Variants in EIF2B5 observed in about 807,000 individuals in gnomAD.
EIF2B5 encodes translation initiation factor eIF2B subunit epsilon.
EIF2B5 carries 38 observed loss-of-function variants against 87.3 expected under a neutral mutation model. The ratio of observed to expected loss-of-function variants is 0.44; its 90% confidence interval spans 0.34 to 0.57. EIF2B5 has a LOEUF of 0.57. Ranked by LOEUF, EIF2B5 falls within the 20% of genes least tolerant of loss-of-function variation. EIF2B5 has a pLI of 0.02. For synonymous variants in EIF2B5, 313 were observed against 339.6 expected, an observed-to-expected ratio of 0.92 and a Z score of 0.86; for missense variants, 784 against 909.5, an observed-to-expected ratio of 0.86 and a Z score of 1.78.
Position 184,145,029 on chromosome 3 carries a change from T to G in EIF2B5, c.*86T>G. 1.6e-6 allele frequency: 2 copies of G among 1,239,208 alleles called. No homozygotes were observed. The highest frequency in any genetic ancestry group is 2.4e-6 in the Non-Finnish European group (2 of 849,384). 76.8% of individuals were successfully genotyped at this position (1,239,208 alleles called of 1,614,324 possible). Reference sequence around the variant, plus strand: ...AAGTGAGGAACTAGCTGCAGAGGGATGAGTGACCACCATCCAGGCTGAGAC... The same window carrying G: ...AAGTGAGGAACTAGCTGCAGAGGGAGGAGTGACCACCATCCAGGCTGAGAC... On this transcript the variant is annotated 3_prime_UTR_variant, in exon 16 of 16. Transcript: ENST00000648915. The surrounding 1 kb of genome is among the most constrained non-coding windows in gnomAD (Gnocchi z 4.0).
Position 184,144,157 on chromosome 3 carries a change from T to A in EIF2B5, c.1928T>A (p.Leu643Ter). ...RNYIKRAADH[L>*]EALAAIEDFF... ...TACATAAAGCGCGCAGCCGACCATT[T>A]GGAAGCGTTAGCAGCCATTGAGGAC... Residue 643 changes from leucine to a stop codon, truncating the protein, a stop_gained, in exon 14 of 16, where the codon TTG becomes TAG. Transcript: ENST00000648915. LOFTEE classifies it high-confidence loss of function. 1 of 1,614,246 alleles carries A rather than the reference T, an allele frequency of 6.2e-7. No homozygotes were observed.
In EIF2B5 at chr3:184,138,230, G is replaced by C; in HGVS notation, c.749G>C (p.Ser250Thr). 6.2e-7 allele frequency: 1 copy of C among 1,613,978 alleles called. No individual in the cohort carries two copies. Among genetic ancestry groups the C allele is most frequent in the South Asian group, 1.1e-5 (1 of 91,072 alleles). Residue 250 changes from serine to threonine, a missense_variant, in exon 5 of 16, where the codon AGC becomes ACC. Ser to Thr is a moderately conservative substitution (Grantham distance 58). Coordinates refer to ENST00000648915, the MANE Select transcript of EIF2B5 (RefSeq NM_003907.3). ...TATGATTTACTGGATTGTCATATCA[G>C]CATCTGTTCTCCTCAGGTGAGCTCT... ...VRYDLLDCHISICSPQVAQLF... is the reference protein window; with the variant it reads ...VRYDLLDCHITICSPQVAQLF...
Position 184,135,490 on chromosome 3 carries a change from G to T in EIF2B5, c.105G>T (p.Ala35=). ...GCGGTGGCGGGGGAGCCAGAGGGGCGGAGGAGGAACCGCCGCCGCCCCTAC... is the reference window on the plus strand; with the variant it reads ...GCGGTGGCGGGGGAGCCAGAGGGGCTGAGGAGGAACCGCCGCCGCCCCTAC... The part of the protein sequence containing the change: ...GGSGGGGARG[A]EEEPPPPLQA... The change falls in exon 1 of 16, where the codon GCG becomes GCT. Residue 35 remains alanine (A), a synonymous_variant. Transcript: ENST00000648915. 1.3e-6 allele frequency: 2 copies of T among 1,580,772 alleles called. No homozygotes were observed. The highest frequency in any genetic ancestry group is 1.7e-6 in the Non-Finnish European group (2 of 1,164,410).
intron 5 of EIF2B5, chr3:184,138,938 A>G: frequency 7.4e-6 from 2 of 268,810 alleles, no homozygotes; most frequent in South Asian, 2.9e-5. Flanking sequence ...CTGGGATTAC[A>G]GGCATGAGCC....
chr3:184,141,808 G>T, intron 7 of EIF2B5, 117 bp from the exon 8 acceptor site: 1 of 1,335,768 alleles, frequency 7.5e-7, no homozygotes. Flanking sequence ...CTTGCGGGAT[G>T]GGGAATGAGA....
In EIF2B5 at chr3:184,143,455, A is replaced by G. The variant is rs843358; in HGVS notation, c.1759A>G (p.Ile587Val). ...GTCTCCCCACAGGTATGCCTATAAC[A>G]TAAGTCTAAAGGAGGTGATGCAGGT... ...EINSLKYAYNISLKEVMQVLS... is the reference protein window; with the variant it reads ...EINSLKYAYNVSLKEVMQVLS... Residue 587 changes from isoleucine (I) to valine (V), a missense_variant, in exon 13 of 16, where the codon ATA becomes GTA. Ile to Val is a conservative substitution (Grantham distance 29). Transcript: ENST00000648915. 546,249 of 1,613,776 alleles carry G rather than the reference A, an allele frequency of 0.34. 94,784 individuals carry two copies. Among genetic ancestry groups the G allele is most frequent in the East Asian group, 0.54 (24,351 of 44,854 alleles).
chr3:184,137,616 T>TAA lies in EIF2B5; in HGVS notation c.321-4_321-3insAA. 6.2e-7 allele frequency: 1 copy of TAA among 1,613,684 alleles called. No homozygotes were observed. The highest frequency in any genetic ancestry group is 8.5e-7 in the Non-Finnish European group (1 of 1,179,618). On this transcript the variant is annotated splice_region_variant and splice_polypyrimidine_tract_variant and intron_variant, in intron 2 of 15. Coordinates refer to ENST00000648915, the MANE Select transcript of EIF2B5 (RefSeq NM_003907.3). Reference sequence around the variant, plus strand: ...CTCATTCCCCTCACCCTCCCTTCCTTTAGGAAGTCAAAGTGGTGCCGCCCT... The same window carrying TAA: ...CTCATTCCCCTCACCCTCCCTTCCTTAATAGGAAGTCAAAGTGGTGCCGCCCT...
chr3:184,143,519 T>C lies in EIF2B5; in HGVS notation c.1823T>C (p.Met608Thr). 1.2e-6 allele frequency: 2 copies of C among 1,614,160 alleles called. No individual in the cohort carries two copies. Residue 608 changes from methionine (M) to threonine (T), a missense_variant, in exon 13 of 16, where the codon ATG becomes ACG. Met to Thr is a moderately conservative substitution (Grantham distance 81). This residue lies in a region of EIF2B5 where 660 missense variants were observed against 789.5 expected (regional missense o/e 0.84). Coordinates refer to ENST00000648915, the MANE Select transcript of EIF2B5 (RefSeq NM_003907.3). ...HVVLEFPLQQMDSPLDSSRYC... is the reference protein window; with the variant it reads ...HVVLEFPLQQTDSPLDSSRYC... ...GTCCTGGAGTTCCCCCTGCAACAGA[T>C]GGATTCCCCGCTTGACTCAAGCCGC...
At position 184,138,000 on chromosome 3, in the gene EIF2B5, G is replaced by T. The variant is rs1713441656; in HGVS notation, c.609G>T (p.Val203=). The T allele has an allele frequency of 1.2e-6, 2 of 1,614,102 alleles. No homozygotes were observed. Among genetic ancestry groups the T allele is most frequent in the African/African-American group, 2.7e-5 (2 of 74,940 alleles). The change falls in exon 4 of 16, where the codon GTG becomes GTT. Residue 203 remains valine, a synonymous_variant. Transcript: ENST00000648915. ...GTTGCCACGAAGACAATGTGGTAGT[G>T]GCTGTGGATAGTACCACAAACAGGG... The part of the protein sequence containing the change: ...PTRCHEDNVV[V]AVDSTTNRVL...
rs1419583003 is a variant in EIF2B5 at position 184,137,696 on chromosome 3, G to T, written c.397G>T (p.Asp133Tyr). The T allele has an allele frequency of 6.2e-7, 1 of 1,614,220 alleles. No homozygotes were observed. The highest frequency in any genetic ancestry group is 1.1e-5 in the South Asian group (1 of 91,088). Residue 133 changes from aspartate (D) to tyrosine (Y), a missense_variant, in exon 3 of 16, where the codon GAT becomes TAT. Coordinates refer to ENST00000648915, the MANE Select transcript of EIF2B5 (RefSeq NM_003907.3). ...ATCAGAGCTCTATCGATCACTGGGA[G>T]ATGTCCTCCGTGATGTTGATGCCAA... ...ITSELYRSLG[D>Y]VLRDVDAKAL...
intron 5 of EIF2B5, among the ~76,000 whole-genome samples, chr3:184,139,143 T>C (rs1713500393): frequency 1.3e-5 from 2 of 151,992 alleles, no homozygotes; most frequent in African/African-American, 4.8e-5. Flanking sequence ...CTATTTTTTG[T>C]ATTTTTCAGT....
chr3:184,142,695 C>T lies in EIF2B5; in HGVS notation c.1547-84C>T, dbSNP rs1433539593. On this transcript the variant is annotated intron_variant, in intron 10 of 15. Coordinates refer to ENST00000648915, the MANE Select transcript of EIF2B5 (RefSeq NM_003907.3). The surrounding 1 kb of genome is among the most constrained non-coding windows in gnomAD (Gnocchi z 5.0). ...TCAGAGTCACATTACTTATTCACTC[C>T]TTTATTCAGGCAGACAGGGCAGGTA... 1.3e-6 allele frequency: 2 copies of T among 1,554,376 alleles called. No homozygotes were observed. Among genetic ancestry groups the T allele is most frequent in the African/African-American group, 2.7e-5 (2 of 73,520 alleles).
Position 184,142,650 on chromosome 3 carries a change from T to C in EIF2B5, c.1546+47T>C, listed in dbSNP as rs1308246649. On this transcript the variant is annotated intron_variant, in intron 10 of 15. Coordinates refer to ENST00000648915, the MANE Select transcript of EIF2B5 (RefSeq NM_003907.3). This position sits in a 1 kb window ranked among gnomAD's most constrained non-coding sequence, Gnocchi z 5.0. Reference sequence around the variant, plus strand: ...CCCTTCTCCTCCTGAATCGGAATATTTTGAAGGATAATGAATACTTCAGAG... The same window carrying C: ...CCCTTCTCCTCCTGAATCGGAATATCTTGAAGGATAATGAATACTTCAGAG... 1.9e-6 allele frequency: 3 copies of C among 1,586,954 alleles called. No individual in the cohort carries two copies. Among genetic ancestry groups the C allele is most frequent in the Non-Finnish European group, 2.6e-6 (3 of 1,163,636 alleles).
At chr3:184,144,475 A>G (rs1030931886) in intron 14 of EIF2B5, 122 bp from the exon 15 acceptor site, 2 of 1,058,696 alleles carry the variant, frequency 1.9e-6, no homozygotes, top group African/African-American at 3.1e-5. Flanking sequence ...AGCAGAGCGA[A>G]CAGCTCACTC....
At chr3:184,143,386 T>C in intron 12 of EIF2B5, 56 bp from the exon 13 acceptor site, 5 of 1,613,878 alleles carry the variant, frequency 3.1e-6, no homozygotes, top group Non-Finnish European at 4.2e-6. Flanking sequence ...AAGTCATAGT[T>C]CTAAGCCTGC....
intron 2 of EIF2B5, 112 bp from the exon 3 acceptor site, chr3:184,137,508 C>T: frequency 1.8e-6 from 2 of 1,105,824 alleles, no homozygotes; most frequent in Non-Finnish European, 2.7e-6. Context: ...GGCAAGAACC[C>T]AAAAAAGCCA....
intron 15 of EIF2B5, 85 bp from the exon 16 acceptor site, chr3:184,144,798 TG>T: frequency 2.5e-6 from 4 of 1,583,286 alleles, no homozygotes; most frequent in Non-Finnish European, 3.5e-6. Context: ...TCTGGGGCTC[TG>T]GTTGTTAGAG....
intron 5 of EIF2B5, among the ~76,000 whole-genome samples, 156 bp from the exon 6 acceptor site, chr3:184,139,924 G>A (rs980155776): frequency 1.3e-5 from 2 of 151,738 alleles, no homozygotes; most frequent in Non-Finnish European, 2.9e-5. Context: ...TTGGGAGGCT[G>A]AGGCACAAGA....
In EIF2B5 at chr3:184,137,983, G is replaced by A. The variant is rs2971410; in HGVS notation, c.592G>A (p.Glu198Lys). The A allele has an allele frequency of 1.4e-5, 23 of 1,614,078 alleles. No individual in the cohort carries two copies. The highest frequency in any genetic ancestry group is 9.3e-5 in the African/African-American group (7 of 74,936). The change falls in exon 4 of 16, where the codon GAA becomes AAA. Residue 198 changes from glutamate (E) to lysine (K), a missense_variant. Coordinates refer to ENST00000648915, the MANE Select transcript of EIF2B5 (RefSeq NM_003907.3). ...SSPSHPTRCH[E>K]DNVVVAVDST... ...CCCCAGCCACCCAACTCGTTGCCAC[G>A]AAGACAATGTGGTAGTGGCTGTGGA...
Sources: allele counts gnomAD v4.1 joint callset (sites outside exome capture counted in the v4.1 genomes callset), GRCh38; gene constraint gnomAD v4.1.1; regional missense constraint gnomAD v4.1.1; non-coding constraint Gnocchi (gnomAD v3.1); transcripts MANE v1.5; gene names NCBI Gene and HGNC (gene_info 2026-07-23, HGNC 2026-07-21).